EPAS1: variants seen among roughly 807,000 people sequenced by gnomAD.
The protein encoded by EPAS1 is endothelial PAS domain-containing protein 1.
EPAS1 carries 23 observed loss-of-function variants against 87.9 expected under a neutral mutation model. The observed-to-expected ratio is 0.26, with a 90% CI of 0.19 to 0.37. EPAS1 has a LOEUF of 0.37. Among genes scored for constraint, EPAS1 ranks in the 10% least tolerant of loss-of-function variants. The pLI, the probability that EPAS1 is intolerant of heterozygous loss-of-function variation, is 1.00. For missense variants in EPAS1, 1,138 were observed against 1,120.7 expected (o/e 1.02, Z -0.22); for synonymous variants, 508 against 444.3 (o/e 1.14, Z -1.80).
intron 1 of EPAS1, among the ~76,000 whole-genome samples, chr2:46,307,521 T>G (rs1038019499): frequency 6.6e-5 from 10 of 152,156 alleles, no homozygotes; most frequent in African/African-American, 2.4e-4. Context: ...GCATGGGAGT[T>G]GAGGCTCTTC....
In EPAS1 at chr2:46,382,524, A is replaced by G; in HGVS notation, c.2387A>G (p.Lys796Arg). Residue 796 changes from lysine to arginine, a missense_variant, in exon 15 of 16, where the codon AAG becomes AGG. Around this residue, in one of 4 missense-constraint regions of EPAS1, gnomAD observed 502 missense variants for 427.1 expected, o/e 1.18. Coordinates refer to ENST00000263734, the MANE Select transcript of EPAS1 (RefSeq NM_001430.5). The part of the protein sequence containing the change: ...PSAISPGENS[K>R]SRFPPQCYAT... ...GCCATCAGTCCCGGGGAGAACAGCA[A>G]GAGCAGGTTCCCCCCACAGTGCTAC... is the stretch of plus-strand genomic sequence containing the variant. The G allele has an allele frequency of 6.2e-7, 1 of 1,614,166 alleles. No individual in the cohort carries two copies. The highest frequency in any genetic ancestry group is 1.1e-5 in the South Asian group (1 of 91,084).
At chr2:46,352,489 C>G (rs1047879516) in intron 2 of EPAS1, among the ~76,000 whole-genome samples, 1 of 151,300 alleles carries the variant, frequency 6.6e-6, no homozygotes, top group African/African-American at 2.4e-5. Flanking sequence ...TTTCCCATGT[C>G]CGTAACACTG....
At chr2:46,381,538 G>C in intron 12 of EPAS1, 58 bp from the exon 13 acceptor site, 1 of 1,613,194 alleles carries the variant, frequency 6.2e-7, no homozygotes, top group South Asian at 1.1e-5. Context: ...AGATGAGAAG[G>C]CACTGAGTGG....
intron 2 of EPAS1, among the ~76,000 whole-genome samples, chr2:46,348,082 T>G (rs1043662606): frequency 2.6e-5 from 4 of 152,186 alleles, no homozygotes; most frequent in African/African-American, 9.7e-5. Context: ...GAATCCAGTG[T>G]GAGGCTGGGA....
chr2:46,323,207 T>G (rs2104851146), intron 1 of EPAS1, among the ~76,000 whole-genome samples: 1 of 152,092 alleles, frequency 6.6e-6, no homozygotes, highest in Non-Finnish European at 1.5e-5. Context: ...TGAGGAGACT[T>G]TTTTTTTAAG....
intron 1 of EPAS1, among the ~76,000 whole-genome samples, chr2:46,299,801 C>T (rs538628436): frequency 1.4e-4 from 22 of 152,290 alleles, no homozygotes; most frequent in Admixed American, 6.5e-5. Flanking sequence ...GCTACAGTAC[C>T]TGGTTCGTTA....
intron 1 of EPAS1, among the ~76,000 whole-genome samples, chr2:46,308,887 C>T (rs1683161014): frequency 6.6e-6 from 1 of 152,158 alleles, no homozygotes; most frequent in African/African-American, 2.4e-5. Flanking sequence ...CATTGGTTAC[C>T]CCTGTGTTTA....
intron 9 of EPAS1, 144 bp downstream of exon 9, chr2:46,376,897 G>C: frequency 1.2e-6 from 1 of 814,190 alleles, no homozygotes; most frequent in Non-Finnish European, 2.0e-6. Context: ...CCTGTTAGAG[G>C]CCAGGCCCTG....
At chr2:46,302,122 G>GTTTGTT (rs1558579995) in intron 1 of EPAS1, among the ~76,000 whole-genome samples, 14 of 132,962 alleles carry the variant, frequency 1.1e-4, no homozygotes, top group Non-Finnish European at 1.8e-4. Context: ...TTCTCTCTGT[G>GTTTGTT]TGTGTGTGTG....
rs1362645756 is a variant in EPAS1, at chr2:46,351,964, G to A, written c.218-4187G>A. Reference sequence around the variant, plus strand: ...AAATGAGCGTTGCTCCGGAAAAAGTGCTCCAAAACCTCAGCCCGCGCATAT... The same window carrying A: ...AAATGAGCGTTGCTCCGGAAAAAGTACTCCAAAACCTCAGCCCGCGCATAT... On this transcript the variant is annotated intron_variant, in intron 2 of 15. Transcript: ENST00000263734. Among the ~76,000 whole-genome samples the A allele has an allele frequency of 2.0e-5, 3 of 151,988 alleles. No homozygotes were observed. In the East Asian group the frequency reaches 5.8e-4, roughly 29 times the overall value.
rs117876552 is a variant in EPAS1 at position 46,361,965 on chromosome 2, G to A, written c.779+875G>A. On this transcript the variant is annotated intron_variant, in intron 6 of 15. Transcript: ENST00000263734. ...GAGGAGGAAGATGGGGAGAACAGAT[G>A]CCCGGAGCAATGGCCGGCCCCAGGG... 7.6e-4 allele frequency among the ~76,000 whole-genome samples: 116 copies of A among 152,308 alleles called. 2 individuals carry two copies. Among genetic ancestry groups the A allele is most frequent in the East Asian group, 6.6e-3 (34 of 5,182 alleles).
intron 1 of EPAS1, among the ~76,000 whole-genome samples, chr2:46,308,541 G>A (rs889734078): frequency 6.6e-6 from 1 of 151,286 alleles, no homozygotes; most frequent in African/African-American, 2.4e-5. Flanking sequence ...TGGGTTACTT[G>A]GAAAGCCTGC....
At chr2:46,365,570 A>G (rs999125484) in intron 6 of EPAS1, among the ~76,000 whole-genome samples, 1 of 152,238 alleles carries the variant, frequency 6.6e-6, no homozygotes, top group East Asian at 1.9e-4. Flanking sequence ...CTTCCTATGT[A>G]TACTCTTACC....
intron 6 of EPAS1, among the ~76,000 whole-genome samples, chr2:46,362,138 C>G (rs999993498): frequency 3.3e-5 from 5 of 152,230 alleles, no homozygotes; most frequent in African/African-American, 9.6e-5. Context: ...CTAGAGCCGC[C>G]ATGTGTCCCA....
rs1180652192 is a variant in EPAS1 at position 46,347,862 on chromosome 2, T to C, written c.217+799T>C. Among the ~76,000 whole-genome samples, 1 of 152,150 alleles carries C rather than the reference T, an allele frequency of 6.6e-6. No homozygotes were observed. The highest frequency in any genetic ancestry group is 2.4e-5 in the African/African-American group (1 of 41,430). On this transcript the variant is annotated intron_variant, in intron 2 of 15. Coordinates refer to ENST00000263734, the MANE Select transcript of EPAS1 (RefSeq NM_001430.5). This position sits in a 1 kb window ranked among gnomAD's most constrained non-coding sequence, Gnocchi z 4.2. ...TGACATTCTCGTCAGGGGTGTCAGT[T>C]CTGTAAGGACGCTGGGCAACGAGTT...
At chr2:46,320,711 A>G (rs1683438782) in intron 1 of EPAS1, among the ~76,000 whole-genome samples, 4 of 152,290 alleles carry the variant, frequency 2.6e-5, no homozygotes, top group South Asian at 4.1e-4. Flanking sequence ...TGCCATTATC[A>G]TCTTAGATTT....
In EPAS1 at chr2:46,369,868, G is replaced by C. The variant is rs1473115705; in HGVS notation, c.821G>C (p.Gly274Ala). ...LIGYHPEELL[G>A]RSAYEFYHAL... ...GGTTACCACCCTGAGGAGCTGCTTGGCCGCTCAGCCTATGAATTCTACCAT... is the reference window on the plus strand; with the variant it reads ...GGTTACCACCCTGAGGAGCTGCTTGCCCGCTCAGCCTATGAATTCTACCAT... Residue 274 changes from glycine (G) to alanine (A), a missense_variant, in exon 7 of 16, where the codon GGC becomes GCC. This residue lies in a region of EPAS1 where 351 missense variants were observed against 417.1 expected (regional missense o/e 0.84). Coordinates refer to ENST00000263734, the MANE Select transcript of EPAS1 (RefSeq NM_001430.5). 3 of 1,613,200 alleles carry C rather than the reference G, an allele frequency of 1.9e-6. No homozygotes were observed. The highest frequency in any genetic ancestry group is 1.1e-5 in the South Asian group (1 of 90,798).
chr2:46,334,335 A>G (rs1379477236), intron 1 of EPAS1, among the ~76,000 whole-genome samples: 1 of 152,020 alleles, frequency 6.6e-6, no homozygotes, highest in Non-Finnish European at 1.5e-5. Context: ...GATACTCAAC[A>G]AGGTCTGTTT....
In EPAS1 at chr2:46,356,286, T is replaced by C. The variant is rs762106191; in HGVS notation, c.353T>C (p.Phe118Ser). Residue 118 changes from phenylalanine (F) to serine (S), a missense_variant, in exon 3 of 16, where the codon TTC becomes TCC. Physicochemically the swap from Phe to Ser is radical, Grantham distance 155. Coordinates refer to ENST00000263734, the MANE Select transcript of EPAS1 (RefSeq NM_001430.5). ...MIFLSENISK[F>S]MGLTQVELTG... ...TTTCTGTCAGAAAACATCAGCAAGT[T>C]CATGGGACTTACACAGGTGACACCC... The C allele has an allele frequency of 1.2e-6, 2 of 1,614,004 alleles. No individual in the cohort carries two copies. The highest frequency in any genetic ancestry group is 1.7e-6 in the Non-Finnish European group (2 of 1,180,032).
Sources: gnomAD v4.1 joint callset for allele counts (sites outside exome capture counted in the v4.1 genomes callset) on GRCh38, gnomAD v4.1.1 for gene constraint, gnomAD v4.1.1 regional missense constraint, Gnocchi (gnomAD v3.1) non-coding constraint, MANE v1.5 for transcripts, NCBI Gene and HGNC (gene_info 2026-07-23, HGNC 2026-07-21) for gene names.